DOCK3: variants seen among roughly 807,000 people sequenced by gnomAD.
DOCK3 encodes the protein dedicator of cytokinesis protein 3.
Under a neutral mutation model 265.6 loss-of-function variants are expected in DOCK3, and 60 were observed. The ratio of observed to expected loss-of-function variants is 0.23; its 90% confidence interval spans 0.18 to 0.28. DOCK3 has a LOEUF of 0.28. Ranked by LOEUF, DOCK3 falls within the 10% of genes least tolerant of loss-of-function variation. DOCK3 has a pLI of 1.00. For synonymous variants in DOCK3, 881 were observed against 938.0 expected (o/e 0.94, Z 1.11); for missense variants, 1,981 against 2,594.3 (o/e 0.76, Z 5.14).
chr3:50,875,509 A>G (rs2047662011), intron 3 of DOCK3, among the ~76,000 whole-genome samples: 1 of 152,130 alleles, frequency 6.6e-6, no homozygotes, highest in Admixed American at 6.6e-5. Flanking sequence ...TTTTATCATG[A>G]AGGAATTTTG....
At chr3:51,015,176 CAGT>C (rs1196451757) in intron 5 of DOCK3, among the ~76,000 whole-genome samples, 1 of 151,992 alleles carries the variant, frequency 6.6e-6, no homozygotes, top group Non-Finnish European at 1.5e-5. Flanking sequence ...TTTTGAATAA[CAGT>C]GGTGAAAATG....
intron 4 of DOCK3, among the ~76,000 whole-genome samples, chr3:50,912,817 T>G (rs1263837588): frequency 6.6e-6 from 1 of 152,040 alleles, no homozygotes; most frequent in Non-Finnish European, 1.5e-5. Context: ...GCAGTGAATC[T>G]TGCCTTGCCT....
At chr3:51,009,778 C>T (rs2078865849) in intron 5 of DOCK3, among the ~76,000 whole-genome samples, 1 of 152,190 alleles carries the variant, frequency 6.6e-6, no homozygotes, top group African/African-American at 2.4e-5. Flanking sequence ...TCCCTCTACA[C>T]ACTGCTTTAA....
chr3:51,225,079 C>T (rs770997335), intron 14 of DOCK3, among the ~76,000 whole-genome samples: 2 of 152,002 alleles, frequency 1.3e-5, no homozygotes, highest in Admixed American at 6.6e-5. Flanking sequence ...GAAGAAAAAG[C>T]GACAGGTAGT....
At chr3:50,803,262 G>C (rs1433064277) in intron 2 of DOCK3, among the ~76,000 whole-genome samples, 4 of 151,878 alleles carry the variant, frequency 2.6e-5, no homozygotes, top group African/African-American at 4.8e-5. Context: ...TGAGATTAGG[G>C]AGTGGTGATG....
intron 5 of DOCK3, among the ~76,000 whole-genome samples, chr3:51,023,169 C>T (rs1446939528): frequency 1.3e-5 from 2 of 152,240 alleles, no homozygotes; most frequent in South Asian, 4.2e-4. Context: ...CTTCTCTTCT[C>T]CCTCAGGAAC....
chr3:51,034,632 A>G (rs2080186250), intron 5 of DOCK3, among the ~76,000 whole-genome samples: 1 of 152,102 alleles, frequency 6.6e-6, no homozygotes, highest in African/African-American at 2.4e-5. Context: ...ATTATATTTT[A>G]AAGAAATCAA....
chr3:50,863,315 C>A (rs2046997482), intron 3 of DOCK3: 6 of 476,044 alleles, frequency 1.3e-5, no homozygotes, highest in Admixed American at 2.2e-5. Flanking sequence ...TGTCTCAGTT[C>A]AGGTCTGAGG....
chr3:51,338,994 T>A lies in DOCK3; in HGVS notation c.3732T>A (p.Leu1244=). The change falls in exon 37 of 53, where the codon CTT becomes CTA. Residue 1244 remains leucine, a synonymous_variant. Coordinates refer to ENST00000266037, the MANE Select transcript of DOCK3 (RefSeq NM_004947.5). ...TGTATATCCGCTACATCCATAAGCT[T>A]TGTGACATGCACTTGCAGGCCGAAA... The part of the protein sequence containing the change: ...EEMYIRYIHK[L]CDMHLQAENY... 1 of 1,608,734 alleles carries A rather than the reference T, an allele frequency of 6.2e-7. No homozygotes were observed. The highest frequency in any genetic ancestry group is 1.1e-5 in the South Asian group (1 of 89,884).
chr3:51,148,013 A>G (rs1224550920), intron 10 of DOCK3, among the ~76,000 whole-genome samples: 2 of 152,118 alleles, frequency 1.3e-5, no homozygotes, highest in Non-Finnish European at 2.9e-5. Flanking sequence ...TTGCTTCCTG[A>G]CTTTTTAATG....
At chr3:51,346,195 G>A (rs577941979) in intron 38 of DOCK3, among the ~76,000 whole-genome samples, 6 of 152,106 alleles carry the variant, frequency 3.9e-5, no homozygotes, top group Non-Finnish European at 8.8e-5. Context: ...CAATGTGCAG[G>A]TTTGTTACAT....
chr3:50,965,197 GTACA>G (rs1288730151), intron 5 of DOCK3, among the ~76,000 whole-genome samples: 26 of 152,004 alleles, frequency 1.7e-4, no homozygotes, highest in Non-Finnish European at 2.5e-4. Context: ...TGTTTATAAT[GTACA>G]TACATCTGAA....
In DOCK3 at chr3:50,782,292, T is replaced by TTTTTTTTC. The variant is rs1553656752; in HGVS notation, c.121+3541_121+3542insCTTTTTTT. 2.8e-4 allele frequency among the ~76,000 whole-genome samples: 38 copies of TTTTTTTTC among 134,560 alleles called. 1 individual carries two copies. The highest frequency in any genetic ancestry group is 9.1e-4 in the African/African-American group (33 of 36,118). 88.3% of individuals were successfully genotyped at this position (134,560 alleles called of 152,430 possible). A position where few individuals can be genotyped will look rare whatever the true frequency, so the allele number is the denominator to read the frequency against. ...AGCAGTCTCACCAGTACCTGTTATTTTTTTTTTTTTTTTTTTGAGACGGAG... is the reference window on the plus strand; with the variant it reads ...AGCAGTCTCACCAGTACCTGTTATTTTTTTTTTCTTTTTTTTTTTTTTTTGAGACGGAG... On this transcript the variant is annotated intron_variant, in intron 2 of 52. Transcript: ENST00000266037.
intron 12 of DOCK3, among the ~76,000 whole-genome samples, chr3:51,172,468 G>A (rs937762411): frequency 1.3e-5 from 2 of 152,176 alleles, no homozygotes; most frequent in African/African-American, 2.4e-5. Context: ...GAGCTACCAC[G>A]CCCAGCTGGA....
intron 5 of DOCK3, among the ~76,000 whole-genome samples, chr3:51,026,195 G>A (rs1037800032): frequency 1.3e-5 from 2 of 152,058 alleles, no homozygotes; most frequent in African/African-American, 2.4e-5. Flanking sequence ...AGTGACGTTG[G>A]ATTTTATTGA....
At chr3:50,940,671 G>A (rs1372789674) in intron 5 of DOCK3, among the ~76,000 whole-genome samples, 4 of 152,088 alleles carry the variant, frequency 2.6e-5, no homozygotes, top group Non-Finnish European at 4.4e-5. Flanking sequence ...AGAATCACTC[G>A]ATCTAATTTT....
chr3:50,804,450 T>C (rs370401052), intron 2 of DOCK3, among the ~76,000 whole-genome samples: 184 of 152,128 alleles, frequency 1.2e-3, no homozygotes, highest in African/African-American at 2.9e-3. Flanking sequence ...CTGGGCAACA[T>C]TGAGCACTGA....
chr3:51,343,246 T>C (rs1433430212), intron 38 of DOCK3, among the ~76,000 whole-genome samples: 1 of 152,196 alleles, frequency 6.6e-6, no homozygotes, highest in Non-Finnish European at 1.5e-5. Context: ...CTCTCAACAC[T>C]GCCAGCACAC....
At chr3:51,307,909 A>C (rs1189456812) in intron 27 of DOCK3, among the ~76,000 whole-genome samples, 1 of 142,330 alleles carries the variant, frequency 7.0e-6, no homozygotes, top group African/African-American at 2.6e-5. Context: ...TTTCTCTCCA[A>C]CAAATGCCTT....
Sources: gnomAD v4.1 joint callset for allele counts (sites outside exome capture counted in the v4.1 genomes callset) on GRCh38, gnomAD v4.1.1 for gene constraint, MANE v1.5 for transcripts, NCBI Gene and HGNC (gene_info 2026-07-23, HGNC 2026-07-21) for gene names.